NOS1AP: variants seen among roughly 807,000 people sequenced by gnomAD.
NOS1AP encodes carboxyl-terminal PDZ ligand of neuronal nitric oxide synthase protein.
In NOS1AP, 21 loss-of-function variants were observed where a neutral mutation model predicts 56.2. The ratio of observed to expected loss-of-function variants is 0.37; its 90% CI spans 0.26 to 0.54. The LOEUF is 0.54. Among genes scored for constraint, NOS1AP ranks in the 20% least tolerant of loss-of-function variants. The probability of loss-of-function intolerance (pLI) is 0.84; values close to 1 mark genes in which losing one functional copy is unlikely to be tolerated. For missense variants in NOS1AP, 522 were observed against 657.8 expected (o/e 0.79, Z 2.26); for synonymous variants, 270 against 274.6 (o/e 0.98, Z 0.17).
chr1:162,161,262 T>C (rs1433544716), intron 2 of NOS1AP, among the ~76,000 whole-genome samples: 1 of 152,214 alleles, frequency 6.6e-6, no homozygotes, highest in Non-Finnish European at 1.5e-5. Flanking sequence ...TTTTGGGGAT[T>C]AGGTCATGGA....
chr1:162,153,716 C>A (rs2102094282), intron 1 of NOS1AP, among the ~76,000 whole-genome samples: 1 of 152,274 alleles, frequency 6.6e-6, no homozygotes, highest in Non-Finnish European at 1.5e-5. Flanking sequence ...AATATATACC[C>A]ATCAGTACAC....
chr1:162,253,498 CATT>C (rs1253798942), intron 2 of NOS1AP, among the ~76,000 whole-genome samples: 1 of 152,146 alleles, frequency 6.6e-6, no homozygotes, highest in Non-Finnish European at 1.5e-5. Flanking sequence ...AGAGAGAAAA[CATT>C]AGAAAAATGA....
Position 162,175,576 on chromosome 1 carries a change from T to C in NOS1AP, c.177+21100T>C, listed in dbSNP as rs376525071. On this transcript the variant is annotated intron_variant, in intron 2 of 9. Coordinates refer to ENST00000361897, the MANE Select transcript of NOS1AP (RefSeq NM_014697.3). ...CATTTCTGCAAAGAGCCCTGACTCCTTTTGTTGAAGGCATGGAGTTAGATA... is the reference window on the plus strand; with the variant it reads ...CATTTCTGCAAAGAGCCCTGACTCCCTTTGTTGAAGGCATGGAGTTAGATA... Among the ~76,000 whole-genome samples, 25 of 152,262 alleles carry C rather than the reference T, an allele frequency of 1.6e-4. No individual in the cohort carries two copies. The East Asian group carries it at 2.7e-3, about 16-fold the overall frequency.
intron 2 of NOS1AP, among the ~76,000 whole-genome samples, chr1:162,160,147 C>G (rs1225232178): frequency 6.6e-6 from 1 of 152,194 alleles, no homozygotes; most frequent in African/African-American, 2.4e-5. Context: ...GGTGGCTCCT[C>G]TGGCTGTAGG....
intron 6 of NOS1AP, among the ~76,000 whole-genome samples, chr1:162,354,907 G>T (rs772733316): frequency 6.6e-6 from 1 of 152,218 alleles, no homozygotes; most frequent in Non-Finnish European, 1.5e-5. Context: ...TTCTTCCAGT[G>T]TACCTTGTCA....
chr1:162,361,401 C>T (rs1014611191), intron 8 of NOS1AP, among the ~76,000 whole-genome samples: 9 of 152,184 alleles, frequency 5.9e-5, no homozygotes, highest in East Asian at 5.8e-4. Flanking sequence ...AACGCTGCCT[C>T]GTTTCAGTGC....
intron 4 of NOS1AP, among the ~76,000 whole-genome samples, chr1:162,313,834 AC>A (rs1656139410): frequency 6.6e-6 from 1 of 152,140 alleles, no homozygotes; most frequent in Non-Finnish European, 1.5e-5. Context: ...CAGTGCTTTT[AC>A]CTTTGTCCTT....
chr1:162,180,126 C>T (rs1360725290), intron 2 of NOS1AP, among the ~76,000 whole-genome samples: 1 of 152,224 alleles, frequency 6.6e-6, no homozygotes, highest in Admixed American at 6.5e-5. Context: ...CAAATATTCA[C>T]CAATGAAGCC....
intron 2 of NOS1AP, among the ~76,000 whole-genome samples, chr1:162,272,898 A>T (rs915715380): frequency 2.6e-5 from 4 of 152,132 alleles, no homozygotes; most frequent in African/African-American, 9.7e-5. Context: ...AGCTCCCATT[A>T]TTCCATTATT....
intron 8 of NOS1AP, among the ~76,000 whole-genome samples, chr1:162,357,925 CAG>C (rs1404784507): frequency 1.3e-5 from 2 of 148,516 alleles, no homozygotes; most frequent in Admixed American, 6.6e-5. Flanking sequence ...CACCAGCACT[CAG>C]GGAATGGTGA....
intron 4 of NOS1AP, among the ~76,000 whole-genome samples, chr1:162,323,251 T>G (rs1336724465): frequency 1.3e-5 from 2 of 152,206 alleles, no homozygotes; most frequent in Non-Finnish European, 2.9e-5. Context: ...AACCCAAGAA[T>G]GCCAAGGATT....
intron 2 of NOS1AP, among the ~76,000 whole-genome samples, chr1:162,241,344 G>A (rs556441214): frequency 3.2e-4 from 49 of 152,292 alleles, no homozygotes; most frequent in African/African-American, 1.1e-3. Context: ...AGTTGCATAC[G>A]GAACAGCATG....
At chr1:162,172,718 T>TTTTG (rs371564365) in intron 2 of NOS1AP, among the ~76,000 whole-genome samples, 72 of 152,292 alleles carry the variant, frequency 4.7e-4, no homozygotes, top group African/African-American at 1.4e-3. Flanking sequence ...TGTTGTTTGT[T>TTTTG]TTTGTTTGTT....
intron 2 of NOS1AP, among the ~76,000 whole-genome samples, chr1:162,262,574 A>T (rs1654273035): frequency 6.6e-6 from 1 of 152,232 alleles, no homozygotes; most frequent in Admixed American, 6.5e-5. Flanking sequence ...ACACAGGATT[A>T]TATTTAGATT....
At chr1:162,230,144 T>A (rs1281132788) in intron 2 of NOS1AP, among the ~76,000 whole-genome samples, 1 of 152,124 alleles carries the variant, frequency 6.6e-6, no homozygotes, top group Non-Finnish European at 1.5e-5. Flanking sequence ...AGTTAGTGGC[T>A]GGGGCCCACT....
intron 2 of NOS1AP, among the ~76,000 whole-genome samples, chr1:162,171,938 A>G (rs917331047): frequency 1.2e-4 from 19 of 152,096 alleles, no homozygotes; most frequent in African/African-American, 4.6e-4. Context: ...TCCTTAAGCC[A>G]CCTTAACCCG....
chr1:162,136,564 G>T (rs1322014863), intron 1 of NOS1AP, among the ~76,000 whole-genome samples: 1 of 152,168 alleles, frequency 6.6e-6, no homozygotes, highest in African/African-American at 2.4e-5. Context: ...CTGTCTTGCT[G>T]GTATGATACC....
At chr1:162,191,567 C>T (rs1006082586) in intron 2 of NOS1AP, among the ~76,000 whole-genome samples, 6 of 152,108 alleles carry the variant, frequency 3.9e-5, no homozygotes. Context: ...TACTGAATTA[C>T]TTGAGGGATC....
intron 7 of NOS1AP, among the ~76,000 whole-genome samples, chr1:162,355,756 C>T (rs1281500979): frequency 2.0e-5 from 3 of 152,094 alleles, no homozygotes; most frequent in African/African-American, 7.2e-5. Flanking sequence ...CCTGCAGTAG[C>T]GGTGGTATAC....
Sources: allele counts gnomAD v4.1 joint callset (sites outside exome capture counted in the v4.1 genomes callset), GRCh38; gene constraint gnomAD v4.1.1; transcripts MANE v1.5; gene names NCBI Gene and HGNC (gene_info 2026-07-23, HGNC 2026-07-21).